RASA3: variants seen among roughly 807,000 people sequenced by gnomAD.
RASA3 encodes RAS p21 protein activator 3, also known as ras GTPase-activating protein 3.
RASA3 carries 73 observed loss-of-function variants against 110.0 expected under a neutral mutation model. The observed-to-expected ratio is 0.66, with a 90% CI of 0.55 to 0.81. The LOEUF (loss-of-function observed/expected upper bound fraction) is 0.81, where lower values mean the gene tolerates loss of function less well. Among genes scored for constraint, RASA3 ranks in the 30% least tolerant of loss-of-function variants. The probability of loss-of-function intolerance (pLI) is 0.00; values close to 1 mark genes in which losing one functional copy is unlikely to be tolerated. For missense variants in RASA3, 976 were observed against 1,113.2 expected (o/e 0.88, Z 1.75); for synonymous variants, 500 against 451.4 (o/e 1.11, Z -1.37).
rs373231993 is a variant in RASA3 at position 113,981,800 on chromosome 13, G to C, written c.2304C>G (p.Phe768Leu). Residue 768 changes from phenylalanine (F) to leucine (L), a missense_variant, in exon 23 of 24, where the codon TTC becomes TTG. Phe to Leu is a conservative substitution (Grantham distance 22, BLOSUM62 0). Around this residue, in one of 4 missense-constraint regions of RASA3, gnomAD observed 132 missense variants for 152.8 expected, o/e 0.86. Coordinates refer to ENST00000334062, the MANE Select transcript of RASA3 (RefSeq NM_007368.4). ...DGPEQEEYST[F>L]VIDDPQETYK... ...AGGTCTCCTGGGGGTCGTCAATGAC[G>C]AACGTCGAATACTCCTCCTGCTCCG... The C allele has an allele frequency of 1.7e-5, 28 of 1,613,978 alleles. No individual in the cohort carries two copies. The highest frequency in any genetic ancestry group is 2.2e-5 in the Non-Finnish European group (26 of 1,179,966).
At chr13:114,094,288 C>A (rs2079919216) in intron 1 of RASA3, among the ~76,000 whole-genome samples, 1 of 152,166 alleles carries the variant, frequency 6.6e-6, no homozygotes, top group Admixed American at 6.5e-5. Context: ...TAGGTATATA[C>A]TTAAAAGAAT....
At chr13:114,121,712 G>A (rs1028288850) in intron 1 of RASA3, among the ~76,000 whole-genome samples, 2 of 152,222 alleles carry the variant, frequency 1.3e-5, no homozygotes, top group Non-Finnish European at 2.9e-5. Context: ...CCCTGAGGAC[G>A]CGGGCGGCCA....
At position 114,000,804 on chromosome 13, in the gene RASA3, G is replaced by T. The variant is rs776725568; in HGVS notation, c.1849+22C>A. 1.2e-5 allele frequency: 19 copies of T among 1,553,672 alleles called. No homozygotes were observed. The Admixed American group carries it at 3.2e-4, about 26-fold the overall frequency. On this transcript the variant is annotated intron_variant, in intron 19 of 23. Transcript: ENST00000334062. ...CCCAGCACGCTCCAGCAAGAGCCAG[G>T]GAAAGCGACCTTGCTCCTTACCTTT...
At chr13:114,040,049 C>T (rs1424226519) in intron 4 of RASA3, among the ~76,000 whole-genome samples, 1 of 152,278 alleles carries the variant, frequency 6.6e-6, no homozygotes, top group Non-Finnish European at 1.5e-5. Context: ...CCCTTCCCCA[C>T]CCATGTTTTC....
rs572550538 is a variant in RASA3 at position 114,063,117 on chromosome 13, A to G, written c.173+10603T>C. 5.3e-5 allele frequency among the ~76,000 whole-genome samples: 8 copies of G among 152,308 alleles called. No homozygotes were observed. The East Asian group carries it at 1.5e-3, about 29-fold the overall frequency. On this transcript the variant is annotated intron_variant, in intron 2 of 23. Coordinates refer to ENST00000334062, the MANE Select transcript of RASA3 (RefSeq NM_007368.4). ...CAACTCTGCAAATATACTAAAAACC[A>G]CTGAATTGTACATTTCAAAATGGGT...
chr13:114,019,407 T>C (rs1203850025), intron 9 of RASA3, among the ~76,000 whole-genome samples: 1 of 152,244 alleles, frequency 6.6e-6, no homozygotes, highest in Non-Finnish European at 1.5e-5. Context: ...CCATCTTTGG[T>C]TCTACCCCAC....
At chr13:114,009,328 A>G in intron 17 of RASA3, 59 bp downstream of exon 17, 1 of 1,369,706 alleles carries the variant, frequency 7.3e-7, no homozygotes, top group Non-Finnish European at 1.0e-6. Context: ...CAATTTTAAA[A>G]GAGAACTCCG....
intron 3 of RASA3, among the ~76,000 whole-genome samples, chr13:114,043,603 G>C (rs956206035): frequency 1.3e-5 from 2 of 152,102 alleles, no homozygotes; most frequent in Admixed American, 1.3e-4. Context: ...AGGCCATCTG[G>C]AGCTGCACGG....
At chr13:114,095,718 G>A (rs1345644257) in intron 1 of RASA3, among the ~76,000 whole-genome samples, 1 of 152,126 alleles carries the variant, frequency 6.6e-6, no homozygotes, top group African/African-American at 2.4e-5. Context: ...GGGCCCGGCT[G>A]TTTCCAAAAC....
At chr13:114,017,881 C>A (rs542036030) in intron 11 of RASA3, among the ~76,000 whole-genome samples, 1 of 151,920 alleles carries the variant, frequency 6.6e-6, no homozygotes, top group Non-Finnish European at 1.5e-5. Context: ...TTCCCCTCCC[C>A]ACTCACTCAC....
intron 2 of RASA3, among the ~76,000 whole-genome samples, chr13:114,073,288 T>C (rs879859647): frequency 5.7e-5 from 7 of 123,404 alleles, no homozygotes; most frequent in African/African-American, 1.3e-4. Context: ...GCTCGGGACA[T>C]TGTCTACGCA....
Position 114,015,560 on chromosome 13 carries a change from G to C in RASA3, c.1282-228C>G, listed in dbSNP as rs1017502431. 3.3e-5 allele frequency among the ~76,000 whole-genome samples: 5 copies of C among 152,362 alleles called. No individual in the cohort carries two copies. The South Asian group carries it at 1.0e-3, about 32-fold the overall frequency. ...AGGCACCACGTCGGCTCCCCGGCTC[G>C]GCCCCGACCTCGTTTACTGAGTGGG... On this transcript the variant is annotated intron_variant, in intron 13 of 23. Transcript: ENST00000334062.
At chr13:114,038,150 C>T (rs192353513) in intron 4 of RASA3, among the ~76,000 whole-genome samples, 113 of 151,986 alleles carry the variant, frequency 7.4e-4, no homozygotes, top group Middle Eastern at 6.8e-3. Context: ...CCGAGGCAAA[C>T]GACGAGGCCG....
chr13:114,054,210 CTT>C (rs945411468), intron 2 of RASA3, among the ~76,000 whole-genome samples: 1 of 152,158 alleles, frequency 6.6e-6, no homozygotes, highest in Non-Finnish European at 1.5e-5. Flanking sequence ...TGATAAAAGA[CTT>C]ATATACAGAA....
chr13:114,132,078 C>A (rs1036928716), intron 1 of RASA3, among the ~76,000 whole-genome samples: 2 of 152,226 alleles, frequency 1.3e-5, no homozygotes, highest in Non-Finnish European at 2.9e-5. Flanking sequence ...CAGCCTCAGG[C>A]GCGCGCACTC....
chr13:114,116,235 A>C (rs1261810300), intron 1 of RASA3, among the ~76,000 whole-genome samples: 1 of 152,210 alleles, frequency 6.6e-6, no homozygotes, highest in African/African-American at 2.4e-5. Flanking sequence ...CCCTCGGGCC[A>C]GGCCTGCTGT....
At chr13:114,070,783 C>T (rs2079557937) in intron 2 of RASA3, among the ~76,000 whole-genome samples, 3 of 132,552 alleles carry the variant, frequency 2.3e-5, no homozygotes, top group Non-Finnish European at 3.2e-5. Context: ...GCAGGGCTGC[C>T]GGCGTCCACG....
intron 12 of RASA3, among the ~76,000 whole-genome samples, chr13:114,016,724 AT>A (rs975016836): frequency 2.0e-5 from 3 of 152,232 alleles, no homozygotes; most frequent in African/African-American, 7.2e-5. Flanking sequence ...TGCTGCCATG[AT>A]TTTGCCCACA....
chr13:114,062,541 C>G (rs891503291), intron 2 of RASA3, among the ~76,000 whole-genome samples: 1 of 143,660 alleles, frequency 7.0e-6, no homozygotes, highest in South Asian at 2.2e-4. Context: ...CAGCAATAGA[C>G]ATCACAGCCC....
Sources: gnomAD v4.1 joint callset for allele counts (sites outside exome capture counted in the v4.1 genomes callset) on GRCh38, gnomAD v4.1.1 for gene constraint, gnomAD v4.1.1 regional missense constraint, MANE v1.5 for transcripts, NCBI Gene and HGNC (gene_info 2026-07-23, HGNC 2026-07-21) for gene names.